The following TENM2 variants were observed in gnomAD, a reference collection of about 807,000 sequenced individuals.
TENM2 encodes the protein teneurin-2.
Under a neutral mutation model 245.2 loss-of-function variants are expected in TENM2, and 52 were observed. The ratio of observed to expected loss-of-function variants is 0.21; its 90% CI spans 0.17 to 0.27. TENM2 has a LOEUF of 0.27. Among genes scored for constraint, TENM2 ranks in the 10% least tolerant of loss-of-function variants. TENM2 has a pLI of 1.00. For missense variants in TENM2, 3,046 were observed against 3,666.8 expected, an observed-to-expected ratio of 0.83 and a Z score of 4.37; for synonymous variants, 1,363 against 1,438.9, an observed-to-expected ratio of 0.95 and a Z score of 1.19.
At chr5:167,086,683 C>T in the TENM2 span, among the ~76,000 whole-genome samples, 2 of 151,988 alleles carry the variant, frequency 1.3e-5, no homozygotes, top group African/African-American at 4.8e-5. Flanking sequence ...CAATCACAGC[C>T]TTGTATTGTG....
intron 5 of TENM2, among the ~76,000 whole-genome samples, chr5:168,042,613 G>A (rs375351995): frequency 1.4e-4 from 22 of 151,990 alleles, no homozygotes; most frequent in African/African-American, 3.9e-4. Context: ...TACTCGCAAC[G>A]AACCCTGCTC....
chr5:166,996,159 C>A, the TENM2 span, among the ~76,000 whole-genome samples: 8 of 151,770 alleles, frequency 5.3e-5, no homozygotes, highest in African/African-American at 1.9e-4. Flanking sequence ...CTGGCTAACA[C>A]GGTGAAACCC....
At chr5:168,031,687 G>A (rs1787154517) in intron 5 of TENM2, among the ~76,000 whole-genome samples, 1 of 144,778 alleles carries the variant, frequency 6.9e-6, no homozygotes, top group Non-Finnish European at 1.5e-5. Context: ...AGGGAGGAAG[G>A]GAGCAAGGGA....
At chr5:167,931,495 C>A (rs895074329) in intron 3 of TENM2, among the ~76,000 whole-genome samples, 1 of 147,396 alleles carries the variant, frequency 6.8e-6, no homozygotes, top group Non-Finnish European at 1.5e-5. Flanking sequence ...TTCCTTATTG[C>A]TGAAATGTGC....
At chr5:167,194,254 CAT>C in the TENM2 span, among the ~76,000 whole-genome samples, 9 of 152,022 alleles carry the variant, frequency 5.9e-5, no homozygotes, top group African/African-American at 2.2e-4. Context: ...CATTAAAAAA[CAT>C]ATCAGACTCA....
chr5:167,018,108 A>G, the TENM2 span, among the ~76,000 whole-genome samples: 6 of 152,220 alleles, frequency 3.9e-5, no homozygotes, highest in Non-Finnish European at 7.3e-5. Context: ...ATGTGCAGCT[A>G]GATTAAAGGT....
the TENM2 span, among the ~76,000 whole-genome samples, chr5:167,170,248 G>A: frequency 2.6e-5 from 4 of 152,094 alleles, no homozygotes; most frequent in Non-Finnish European, 5.9e-5. Flanking sequence ...ACGTACAATC[G>A]AGCTGTTACC....
the TENM2 span, among the ~76,000 whole-genome samples, chr5:167,258,215 G>GTGTATATA: frequency 8.1e-5 from 10 of 122,890 alleles, no homozygotes; most frequent in African/African-American, 3.1e-4. Context: ...ATATATATAT[G>GTGTATATA]TATATATATA....
intron 2 of TENM2, among the ~76,000 whole-genome samples, chr5:167,501,172 G>C (rs1359293352): frequency 6.6e-6 from 1 of 152,006 alleles, no homozygotes; most frequent in East Asian, 1.9e-4. Flanking sequence ...CCTTCTACCT[G>C]AACTTCCTTT....
rs975250039 is a variant in TENM2, at chr5:168,024,058, G to A, written c.1187-23369G>A. On this transcript the variant is annotated intron_variant, in intron 5 of 28. Coordinates refer to ENST00000518659, the Ensembl canonical transcript of TENM2. ...GGATAGAGAGATGAATAGATAGACC[G>A]ACATATACAGATAGACTCCAAATTC... 4.6e-5 allele frequency among the ~76,000 whole-genome samples: 7 copies of A among 152,034 alleles called. 1 individual carries two copies. The South Asian group carries it at 6.2e-4, about 14-fold the overall frequency.
intron 2 of TENM2, among the ~76,000 whole-genome samples, chr5:167,584,370 T>A (rs1413190537): frequency 6.6e-6 from 1 of 152,158 alleles, no homozygotes; most frequent in Non-Finnish European, 1.5e-5. Context: ...CAACAACCAG[T>A]CTGATTGGTT....
the TENM2 span, among the ~76,000 whole-genome samples, chr5:167,267,224 A>G: frequency 2.0e-5 from 3 of 152,080 alleles, no homozygotes; most frequent in Non-Finnish European, 4.4e-5. Flanking sequence ...CTTCCCAGCA[A>G]TCCTGACCAC....
At chr5:167,259,568 C>CA in the TENM2 span, among the ~76,000 whole-genome samples, 68 of 152,266 alleles carry the variant, frequency 4.5e-4, no homozygotes, top group Admixed American at 1.2e-3. Flanking sequence ...CCTGAAGATA[C>CA]ACCTGCTTTA....
At chr5:167,685,007 CT>C (rs919802314) in intron 2 of TENM2, among the ~76,000 whole-genome samples, 1 of 152,158 alleles carries the variant, frequency 6.6e-6, no homozygotes, top group Non-Finnish European at 1.5e-5. Context: ...TCAGTGCTGC[CT>C]TGGTGGCTCC....
At chr5:167,417,762 C>G (rs1763248985) in intron 2 of TENM2, among the ~76,000 whole-genome samples, 1 of 152,138 alleles carries the variant, frequency 6.6e-6, no homozygotes, top group Admixed American at 6.6e-5. Context: ...GTAGGTCTGT[C>G]TGACTTTGTA....
chr5:167,229,190 T>C, the TENM2 span, among the ~76,000 whole-genome samples: 3 of 152,162 alleles, frequency 2.0e-5, no homozygotes, highest in African/African-American at 7.2e-5. Context: ...TAGGGTATAG[T>C]TATTAGTGGA....
At chr5:167,342,326 A>C (rs1758151150) in intron 1 of TENM2, among the ~76,000 whole-genome samples, 2 of 151,926 alleles carry the variant, frequency 1.3e-5, no homozygotes, top group South Asian at 4.2e-4. Flanking sequence ...GATCTGTCTG[A>C]TATTTTTCTC....
rs75128720 is a variant in TENM2, at chr5:167,564,829, C to T, written c.502+189356C>T. Among the ~76,000 whole-genome samples, 24 of 152,330 alleles carry T rather than the reference C, an allele frequency of 1.6e-4. No homozygotes were observed. The East Asian group carries it at 4.3e-3, about 27-fold the overall frequency. ...TCTTCCAGCAGGGCAAGCCCCTATG[C>T]TCAAGAACTTCTTGTGCCTTTTCTT... On this transcript the variant is annotated intron_variant, in intron 2 of 28. Transcript: ENST00000518659.
At chr5:167,510,546 C>T (rs558120322) in intron 2 of TENM2, among the ~76,000 whole-genome samples, 20 of 149,640 alleles carry the variant, frequency 1.3e-4, no homozygotes, top group African/African-American at 3.9e-4. Context: ...ATTATTTTCC[C>T]GAACTGTTAC....
Sources: gnomAD v4.1 joint callset for allele counts (sites outside exome capture counted in the v4.1 genomes callset) on GRCh38, gnomAD v4.1.1 for gene constraint, MANE v1.5 for transcripts, NCBI Gene and HGNC (gene_info 2026-07-23, HGNC 2026-07-21) for gene names.